Variants in FBXL7 observed in about 807,000 individuals in gnomAD.
FBXL7 encodes the protein F-box/LRR-repeat protein 7.
In FBXL7, 12 loss-of-function variants were observed where a neutral mutation model predicts 38.3. The observed-to-expected ratio is 0.31, with a 90% CI of 0.20 to 0.51. The LOEUF (loss-of-function observed/expected upper bound fraction) is 0.51, where lower values mean the gene tolerates loss of function less well. Among genes scored for constraint, FBXL7 ranks in the 20% least tolerant of loss-of-function variants. FBXL7 has a pLI of 0.98. For synonymous variants in FBXL7, 297 were observed against 300.9 expected (o/e 0.99, Z 0.13); for missense variants, 567 against 676.4 (o/e 0.84, Z 1.79).
rs894537274 is a variant in FBXL7, at chr5:15,937,024, C to T, written c.1314C>T (p.Cys438=). Reference sequence around the variant, plus strand: ...TCAAGCGGCTCAGCCTCAAGTCCTGCGAGAGCATCACCGGCCAGGGCTTGC... The same window carrying T: ...TCAAGCGGCTCAGCCTCAAGTCCTGTGAGAGCATCACCGGCCAGGGCTTGC... The part of the protein sequence containing the change: ...FNLKRLSLKS[C]ESITGQGLQI... Residue 438 remains cysteine (C), a synonymous_variant, in exon 4 of 4, where the codon TGC becomes TGT. Coordinates refer to ENST00000504595, the MANE Select transcript of FBXL7 (RefSeq NM_012304.5). 5 of 1,613,910 alleles carry T rather than the reference C, an allele frequency of 3.1e-6. No homozygotes were observed. Among genetic ancestry groups the T allele is most frequent in the Admixed American group, 3.3e-5 (2 of 60,010 alleles).
chr5:15,920,738 C>G (rs1741718766), intron 2 of FBXL7, among the ~76,000 whole-genome samples: 1 of 152,132 alleles, frequency 6.6e-6, no homozygotes, highest in Admixed American at 6.5e-5. Context: ...CCAGGCTGGT[C>G]TCAAACTCCT....
At chr5:15,708,608 T>C (rs1743761892) in intron 2 of FBXL7, among the ~76,000 whole-genome samples, 2 of 152,210 alleles carry the variant, frequency 1.3e-5, no homozygotes, top group South Asian at 4.1e-4. Flanking sequence ...TAATCAACTC[T>C]CAGATCTCTT....
chr5:15,500,548 C>T lies in FBXL7; in HGVS notation c.-129C>T, dbSNP rs542654103. On this transcript the variant is annotated 5_prime_UTR_variant, in exon 1 of 4. Coordinates refer to ENST00000504595, the MANE Select transcript of FBXL7 (RefSeq NM_012304.5). ...GCGGGGACCTCTCCAGGCCGGAGGT[C>T]GGCCCCGGAGCTTGGGGGGGATGTG... 139 of 1,322,208 alleles carry T rather than the reference C, an allele frequency of 1.1e-4. No homozygotes were observed. The highest frequency in any genetic ancestry group is 1.4e-4 in the Non-Finnish European group (124 of 915,608). 81.9% of individuals were successfully genotyped at this position (1,322,208 alleles called of 1,614,324 possible).
chr5:15,928,473 C>A lies in FBXL7; in HGVS notation c.711C>A (p.Cys237Ter), dbSNP rs774395759. 1 of 1,613,024 alleles carries A rather than the reference C, an allele frequency of 6.2e-7. No homozygotes were observed. Among genetic ancestry groups the A allele is most frequent in the Admixed American group, 1.7e-5 (1 of 60,000 alleles). ...NEAVFDVVSL[C>*]PNLEHLDVSG... ...CCGTCTTTGATGTGGTGTCCCTCTG[C>A]CCTAATCTGGAGCACCTGGATGTGT... The change falls in exon 3 of 4, where the codon TGC becomes TGA. Residue 237 changes from cysteine to a stop codon, truncating the protein, a stop_gained. Transcript: ENST00000504595. LOFTEE classifies it high-confidence loss of function. The surrounding 1 kb of genome is among the most constrained non-coding windows in gnomAD (Gnocchi z 4.0).
intron 2 of FBXL7, among the ~76,000 whole-genome samples, chr5:15,882,866 G>A (rs1285665966): frequency 6.6e-6 from 1 of 151,882 alleles, no homozygotes; most frequent in Non-Finnish European, 1.5e-5. Flanking sequence ...AATACAGCTC[G>A]AATGTCAGAG....
chr5:15,756,191 A>G (rs988885102), intron 2 of FBXL7, among the ~76,000 whole-genome samples: 1 of 152,100 alleles, frequency 6.6e-6, no homozygotes, highest in Non-Finnish European at 1.5e-5. Context: ...TTTTTTCACT[A>G]AGTCTAGATG....
chr5:15,573,679 G>C (rs1738865649), intron 1 of FBXL7, among the ~76,000 whole-genome samples: 1 of 152,186 alleles, frequency 6.6e-6, no homozygotes, highest in South Asian at 2.1e-4. Context: ...GATAGTTTCT[G>C]TTGTTAGGGA....
chr5:15,847,811 A>G (rs1028828642), intron 2 of FBXL7, among the ~76,000 whole-genome samples: 10 of 152,168 alleles, frequency 6.6e-5, no homozygotes, highest in African/African-American at 2.4e-4. Context: ...GTAAACTGCC[A>G]TGTTGTGGGA....
At chr5:15,702,505 T>C (rs975602556) in intron 2 of FBXL7, among the ~76,000 whole-genome samples, 19 of 152,188 alleles carry the variant, frequency 1.2e-4, no homozygotes, top group Admixed American at 1.3e-4. Context: ...TTAAGTGGTC[T>C]CATTCTGCTT....
Position 15,937,149 on chromosome 5 carries a change from G to T in FBXL7, c.1439G>T (p.Arg480Leu). 6.2e-7 allele frequency: 1 copy of T among 1,604,768 alleles called. No individual in the cohort carries two copies. Among genetic ancestry groups the T allele is most frequent in the South Asian group, 1.1e-5 (1 of 90,440 alleles). Reference protein sequence around the residue: ...ALRFVKRHCKRCVIEHTNPAF... With the variant: ...ALRFVKRHCKLCVIEHTNPAF... The stretch of plus-strand genomic sequence containing the variant: ...CGCTTTGTCAAACGCCACTGCAAGC[G>T]CTGCGTCATCGAGCACACCAACCCG... The change falls in exon 4 of 4, where the codon CGC becomes CTC. Residue 480 changes from arginine (R) to leucine (L), a missense_variant. By Grantham distance (102) the Arg-to-Leu change is moderately radical. Transcript: ENST00000504595.
At chr5:15,715,381 C>T (rs1234065218) in intron 2 of FBXL7, among the ~76,000 whole-genome samples, 4 of 151,290 alleles carry the variant, frequency 2.6e-5, no homozygotes, top group Non-Finnish European at 5.9e-5. Flanking sequence ...ATTCCAGCTA[C>T]TCGGGAGGCT....
At chr5:15,919,536 T>A (rs774244689) in intron 2 of FBXL7, among the ~76,000 whole-genome samples, 11 of 152,204 alleles carry the variant, frequency 7.2e-5, no homozygotes, top group Non-Finnish European at 1.6e-4. Context: ...CTTGAAAGTA[T>A]TTTAAATTAT....
chr5:15,802,844 G>T (rs1219510494), intron 2 of FBXL7, among the ~76,000 whole-genome samples: 2 of 151,976 alleles, frequency 1.3e-5, no homozygotes, highest in East Asian at 3.9e-4. Context: ...GTAGACACAG[G>T]GTTTCACCAT....
intron 3 of FBXL7, among the ~76,000 whole-genome samples, chr5:15,933,775 T>C (rs1191373226): frequency 6.6e-6 from 1 of 152,168 alleles, no homozygotes; most frequent in Non-Finnish European, 1.5e-5. Context: ...AGGAAGGTCC[T>C]CGTTAGCACT....
intron 2 of FBXL7, among the ~76,000 whole-genome samples, chr5:15,712,599 A>T (rs1176721509): frequency 3.3e-5 from 5 of 152,012 alleles, no homozygotes; most frequent in Non-Finnish European, 4.4e-5. Context: ...GCTCCAATTT[A>T]TATTTTCTTT....
At chr5:15,861,111 A>C (rs1739454623) in intron 2 of FBXL7, among the ~76,000 whole-genome samples, 1 of 152,164 alleles carries the variant, frequency 6.6e-6, no homozygotes, top group Non-Finnish European at 1.5e-5. Flanking sequence ...TTACCAAGAT[A>C]ATAGGTGGTT....
chr5:15,714,344 C>T (rs1373036424), intron 2 of FBXL7, among the ~76,000 whole-genome samples: 1 of 152,164 alleles, frequency 6.6e-6, no homozygotes, highest in East Asian at 1.9e-4. Context: ...TGCCTTCTTC[C>T]ATGACTGTGA....
At chr5:15,835,219 A>G (rs898490262) in intron 2 of FBXL7, among the ~76,000 whole-genome samples, 2 of 152,210 alleles carry the variant, frequency 1.3e-5, no homozygotes, top group African/African-American at 4.8e-5. Context: ...GGCTATCACC[A>G]GCAGGTTTTG....
intron 1 of FBXL7, among the ~76,000 whole-genome samples, chr5:15,611,980 CA>C (rs982071754): frequency 1.2e-4 from 17 of 143,826 alleles, no homozygotes; most frequent in Admixed American, 1.4e-4. Context: ...GACACCATTT[CA>C]AAAAAAAAAG....
Sources: allele counts gnomAD v4.1 joint callset (sites outside exome capture counted in the v4.1 genomes callset), GRCh38; gene constraint gnomAD v4.1.1; non-coding constraint Gnocchi (gnomAD v3.1); transcripts MANE v1.5; gene names NCBI Gene and HGNC (gene_info 2026-07-23, HGNC 2026-07-21).